ANKRD27: variants seen among roughly 807,000 people sequenced by gnomAD.
ANKRD27 encodes ankyrin repeat domain-containing protein 27.
In ANKRD27, 112 loss-of-function variants were observed where a neutral mutation model predicts 129.7. That is an observed-to-expected ratio of 0.86 (90% CI 0.74 to 1.01). ANKRD27 has a LOEUF of 1.01. ANKRD27 is among the 50% of genes least tolerant of loss of function. The pLI is 0.00. For synonymous variants in ANKRD27, 516 were observed against 511.2 expected, an observed-to-expected ratio of 1.01 and a Z score of -0.13; for missense variants, 1,258 against 1,300.5, an observed-to-expected ratio of 0.97 and a Z score of 0.50.
At chr19:32,627,942 C>T (rs769940118) in intron 15 of ANKRD27, 141 bp downstream of exon 15, 31 of 735,010 alleles carry the variant, frequency 4.2e-5, no homozygotes, top group Non-Finnish European at 6.5e-5. Flanking sequence ...CTTCTCCTTC[C>T]GGCCCTTGGA....
At chr19:32,663,588 T>A (rs919680455) in intron 1 of ANKRD27, among the ~76,000 whole-genome samples, 27 of 152,234 alleles carry the variant, frequency 1.8e-4, no homozygotes, top group Non-Finnish European at 3.5e-4. Context: ...TCTATCCATT[T>A]CACACAGGTT....
chr19:32,628,838 T>C lies in ANKRD27; in HGVS notation c.1221A>G (p.Ser407=), dbSNP rs894245980. ...PTDCLFKHIA[S]GNQKEVERLL... is the part of the protein sequence containing the mutation. ...GTCTCTCCACTTCTTTCTGGTTACC[T>C]GATGCAATGTGCTGAAAAGTGACAT... The change falls in exon 14 of 29, where the codon TCA becomes TCG. Residue 407 remains serine, a synonymous_variant. Coordinates refer to ENST00000306065, the MANE Select transcript of ANKRD27 (RefSeq NM_032139.3). 1.9e-6 allele frequency: 3 copies of C among 1,614,136 alleles called. No individual in the cohort carries two copies. The highest frequency in any genetic ancestry group is 8.5e-7 in the Non-Finnish European group (1 of 1,180,002).
chr19:32,617,862 C>T (rs901577854), intron 20 of ANKRD27, among the ~76,000 whole-genome samples: 4 of 151,300 alleles, frequency 2.6e-5, no homozygotes, highest in African/African-American at 9.7e-5. Flanking sequence ...TCAAGCGATT[C>T]TCCTGCCTCA....
At chr19:32,640,893 T>TC (rs1967187002) in intron 10 of ANKRD27, among the ~76,000 whole-genome samples, 3 of 152,054 alleles carry the variant, frequency 2.0e-5, no homozygotes, top group South Asian at 2.1e-4. Context: ...AGACCCTGTC[T>TC]CTTTTTTTTG....
chr19:32,602,892 A>T (rs1191386271), intron 25 of ANKRD27, among the ~76,000 whole-genome samples: 2 of 151,994 alleles, frequency 1.3e-5, no homozygotes, highest in African/African-American at 2.4e-5. Flanking sequence ...CTGTCTCAAA[A>T]AATAATAATA....
At position 32,599,707 on chromosome 19, in the gene ANKRD27, A is replaced by G; in HGVS notation, c.2916T>C (p.His972=). Residue 972 remains histidine, a synonymous_variant, in exon 28 of 29, where the codon CAT becomes CAC. Transcript: ENST00000306065. ...AAGCCAGTGTTTAATAACTTACCTC[A>G]TGCAAAGAACCTTCGGTTAAATTAG... The part of the protein sequence containing the change: ...SVPNLTEGSL[H]EPGRQSVTLR... The G allele has an allele frequency of 6.2e-7, 1 of 1,612,036 alleles. No homozygotes were observed. The highest frequency in any genetic ancestry group is 8.5e-7 in the Non-Finnish European group (1 of 1,179,466).
intron 22 of ANKRD27, among the ~76,000 whole-genome samples, chr19:32,612,574 T>C (rs959067089): frequency 3.9e-5 from 6 of 152,108 alleles, no homozygotes; most frequent in African/African-American, 1.2e-4. Context: ...ACAGCATCAG[T>C]CATCAAGACA....
At chr19:32,606,712 G>A (rs1971745036) in intron 23 of ANKRD27, among the ~76,000 whole-genome samples, 1 of 151,918 alleles carries the variant, frequency 6.6e-6, no homozygotes. Flanking sequence ...AGGTGTTGGC[G>A]AGAGAGATGC....
At position 32,642,162 on chromosome 19, in the gene ANKRD27, A is replaced by G. The variant is rs747794905; in HGVS notation, c.783-17T>C. 1 of 1,573,050 alleles carries G rather than the reference A, an allele frequency of 6.4e-7. No individual in the cohort carries two copies. Among genetic ancestry groups the G allele is most frequent in the Admixed American group, 1.8e-5 (1 of 55,992 alleles). On this transcript the variant is annotated splice_polypyrimidine_tract_variant and intron_variant, in intron 9 of 28. Coordinates refer to ENST00000306065, the MANE Select transcript of ANKRD27 (RefSeq NM_032139.3). ...ATGTTAAAGCTGTAAAATAATTTGG[A>G]AAGTGACAACTTCAGAGCACAGTAA...
At chr19:32,606,078 T>C (rs1971730454) in intron 23 of ANKRD27, 124 bp from the exon 24 acceptor site, 7 of 865,622 alleles carry the variant, frequency 8.1e-6, no homozygotes, top group Non-Finnish European at 1.1e-5. Flanking sequence ...TGGAGAGAAA[T>C]GCTCAAGTTT....
At chr19:32,659,133 CTTTTTCTTTTT>C (rs1967599427) in intron 1 of ANKRD27, 88 bp from the exon 2 acceptor site, 2 of 330,976 alleles carry the variant, frequency 6.0e-6, no homozygotes, top group Non-Finnish European at 1.1e-5. Flanking sequence ...CTGGCATTTT[CTTTTTCTTTTT>C]TTTTTTTTTT....
intron 18 of ANKRD27, 25 bp from the exon 19 acceptor site, chr19:32,619,578 C>T (rs1294363491): frequency 5.0e-6 from 8 of 1,613,762 alleles, no homozygotes; most frequent in Non-Finnish European, 6.8e-6. Context: ...GGGATGCCAA[C>T]AGTACCCCGT....
intron 10 of ANKRD27, among the ~76,000 whole-genome samples, chr19:32,641,767 CTTT>C (rs757141453): frequency 1.9e-4 from 4 of 21,188 alleles, no homozygotes; most frequent in Non-Finnish European, 3.6e-4. Context: ...TTTACTTCTT[CTTT>C]TTTTTTTTTT....
intron 13 of ANKRD27, among the ~76,000 whole-genome samples, chr19:32,630,079 T>G (rs1341774950): frequency 6.6e-6 from 1 of 152,056 alleles, no homozygotes; most frequent in Non-Finnish European, 1.5e-5. Context: ...CATCTTGTTA[T>G]TTTTTTATTT....
intron 10 of ANKRD27, 116 bp from the exon 11 acceptor site, chr19:32,640,501 T>A (rs1357007375): frequency 1.2e-6 from 1 of 819,256 alleles, no homozygotes; most frequent in Non-Finnish European, 2.1e-6. Context: ...GATCATACAC[T>A]GGGGGAGAAA....
intron 16 of ANKRD27, among the ~76,000 whole-genome samples, chr19:32,626,336 T>A (rs912805856): frequency 6.6e-6 from 1 of 151,978 alleles, no homozygotes. Flanking sequence ...CCCAGATAAT[T>A]TTAAAAAAAT....
intron 23 of ANKRD27, 134 bp from the exon 24 acceptor site, chr19:32,606,088 T>G: frequency 1.3e-6 from 1 of 780,674 alleles, no homozygotes; most frequent in Non-Finnish European, 1.8e-6. Flanking sequence ...TGCTCAAGTT[T>G]GATATTCTTT....
Position 32,631,399 on chromosome 19 carries a change from C to T in ANKRD27, c.1209+3G>A. On this transcript the variant is annotated splice_donor_region_variant and intron_variant, in intron 13 of 28. Coordinates refer to ENST00000306065, the MANE Select transcript of ANKRD27 (RefSeq NM_032139.3). The stretch of plus-strand genomic sequence containing the variant: ...TACCCACAGAGATGTCTTGGTATCT[C>T]ACCTTAAACAGGCAGTCGGTGGGAG... 6.2e-7 allele frequency: 1 copy of T among 1,613,424 alleles called. No homozygotes were observed. Among genetic ancestry groups the T allele is most frequent in the Non-Finnish European group, 8.5e-7 (1 of 1,179,356 alleles).
intron 18 of ANKRD27, among the ~76,000 whole-genome samples, chr19:32,620,885 CAAAAAA>C (rs746859989): frequency 1.3e-5 from 1 of 75,302 alleles, no homozygotes; most frequent in African/African-American, 5.3e-5. Flanking sequence ...AACCTTGTCT[CAAAAAA>C]AAAAAAAAAA....
Sources: gnomAD v4.1 joint callset for allele counts (sites outside exome capture counted in the v4.1 genomes callset) on GRCh38, gnomAD v4.1.1 for gene constraint, MANE v1.5 for transcripts, NCBI Gene and HGNC (gene_info 2026-07-23, HGNC 2026-07-21) for gene names.